CSMD1: variants seen among roughly 807,000 people sequenced by gnomAD.
CSMD1 encodes the protein CUB and Sushi multiple domains 1.
A neutral mutation model predicts 417.5 loss-of-function variants in CSMD1; 213 were observed. The ratio of observed to expected loss-of-function variants is 0.51; its 90% CI spans 0.46 to 0.57. The LOEUF (loss-of-function observed/expected upper bound fraction) is 0.57, where lower values mean the gene tolerates loss of function less well. CSMD1 is among the 20% of genes least tolerant of loss of function. The pLI, the probability that CSMD1 is intolerant of heterozygous loss-of-function variation, is 0.00. For synonymous variants in CSMD1, 2,862 were observed against 1,736.8 expected, an observed-to-expected ratio of 1.65 and a Z score of -16.11; for missense variants, 6,923 against 4,529.7, an observed-to-expected ratio of 1.53 and a Z score of -15.17.
intron 1 of CSMD1, among the ~76,000 whole-genome samples, chr8:4,749,078 G>T (rs536115968): frequency 6.6e-6 from 1 of 152,152 alleles, no homozygotes; most frequent in Admixed American, 6.5e-5. Flanking sequence ...GTGAGCGCAC[G>T]CTCGCCTGCC....
intron 1 of CSMD1, among the ~76,000 whole-genome samples, chr8:4,719,345 C>G (rs1050238677): frequency 2.0e-5 from 3 of 152,112 alleles, no homozygotes; most frequent in Non-Finnish European, 1.5e-5. Context: ...TTCTCTCTCA[C>G]GTGCCAATGC....
chr8:4,353,817 A>C (rs1801239279), intron 3 of CSMD1, among the ~76,000 whole-genome samples: 1 of 152,190 alleles, frequency 6.6e-6, no homozygotes, highest in Non-Finnish European at 1.5e-5. Context: ...CATTAAAACC[A>C]GTGTTCTTCT....
At chr8:4,057,927 G>C (rs1798781276) in intron 3 of CSMD1, among the ~76,000 whole-genome samples, 2 of 151,194 alleles carry the variant, frequency 1.3e-5, no homozygotes, top group African/African-American at 2.4e-5. Flanking sequence ...TGCTGTTTTG[G>C]TTCCTGTAGC....
At position 4,194,464 on chromosome 8, in the gene CSMD1, G is replaced by C. The variant is rs191542763; in HGVS notation, c.416-162365C>G. ...GGTGACAAAGGCCTGAATTACAATAGCGCCCTGTCACTTTTCTAATAAATA... is the reference window on the plus strand; with the variant it reads ...GGTGACAAAGGCCTGAATTACAATACCGCCCTGTCACTTTTCTAATAAATA... On this transcript the variant is annotated intron_variant, in intron 3 of 69. Coordinates refer to ENST00000635120, the MANE Select transcript of CSMD1 (RefSeq NM_033225.6). Among the ~76,000 whole-genome samples, 69 of 152,202 alleles carry C rather than the reference G, an allele frequency of 4.5e-4. 1 individual carries two copies. The highest frequency in any genetic ancestry group is 1.3e-3 in the African/African-American group (52 of 41,504).
intron 17 of CSMD1, among the ~76,000 whole-genome samples, chr8:3,394,633 G>A (rs1282135856): frequency 6.9e-3 from 1 of 144 alleles, no homozygotes; most frequent in African/African-American, 0.025. Context: ...AAAAAGTTGG[G>A]GGGAGGGGTG....
intron 6 of CSMD1, among the ~76,000 whole-genome samples, chr8:3,734,618 G>A (rs1026853): frequency 0.34 from 52,246 of 152,110 alleles, 9,258 homozygotes; most frequent in Non-Finnish European, 0.4. Context: ...GTCTGAGGCA[G>A]GAGAATTGCT....
intron 7 of CSMD1, among the ~76,000 whole-genome samples, chr8:3,622,660 A>G (rs1796310354): frequency 6.6e-6 from 1 of 152,274 alleles, no homozygotes; most frequent in Admixed American, 6.5e-5. Flanking sequence ...AAAAGTGATT[A>G]GAGATTAAAT....
chr8:4,974,354 G>C (rs541956512), intron 1 of CSMD1, among the ~76,000 whole-genome samples: 1 of 151,912 alleles, frequency 6.6e-6, no homozygotes. Flanking sequence ...CTCACATGTC[G>C]GTTAGCACTT....
intron 11 of CSMD1, among the ~76,000 whole-genome samples, chr8:3,480,365 C>G (rs1455766274): frequency 6.6e-6 from 1 of 151,710 alleles, no homozygotes; most frequent in Non-Finnish European, 1.5e-5. Flanking sequence ...GACTCTGTCT[C>G]AAAAATAAAA....
At chr8:3,913,024 C>T (rs774398942) in intron 5 of CSMD1, among the ~76,000 whole-genome samples, 2 of 151,930 alleles carry the variant, frequency 1.3e-5, no homozygotes, top group Non-Finnish European at 2.9e-5. Context: ...TGAGCTAAGG[C>T]GTGGAGAGAA....
At chr8:4,471,494 G>C (rs1466855800) in intron 2 of CSMD1, among the ~76,000 whole-genome samples, 2 of 152,110 alleles carry the variant, frequency 1.3e-5, no homozygotes, top group Admixed American at 6.6e-5. Flanking sequence ...ACAAAACATG[G>C]CTCAGTGTCT....
intron 30 of CSMD1, among the ~76,000 whole-genome samples, chr8:3,207,091 T>C (rs1163789076): frequency 6.6e-6 from 1 of 152,044 alleles, no homozygotes; most frequent in East Asian, 1.9e-4. Context: ...TTCAGAAAGA[T>C]TATATTTCTA....
At chr8:3,292,023 T>C (rs1383926019) in intron 25 of CSMD1, among the ~76,000 whole-genome samples, 1 of 152,162 alleles carries the variant, frequency 6.6e-6, no homozygotes. Flanking sequence ...TCTGGTATGT[T>C]GTGTCTTTGT....
chr8:4,356,263 G>A (rs117776756), intron 3 of CSMD1, among the ~76,000 whole-genome samples: 3 of 151,866 alleles, frequency 2.0e-5, no homozygotes, highest in Non-Finnish European at 2.9e-5. Flanking sequence ...ATCTCATCCC[G>A]GTCACTGCAA....
intron 23 of CSMD1, among the ~76,000 whole-genome samples, chr8:3,316,902 A>G (rs1453341388): frequency 2.0e-5 from 3 of 152,194 alleles, no homozygotes; most frequent in Admixed American, 1.3e-4. Flanking sequence ...GTGAGAAGAA[A>G]GAAAGGACAA....
At chr8:4,529,681 G>C (rs1796691035) in intron 2 of CSMD1, among the ~76,000 whole-genome samples, 1 of 152,014 alleles carries the variant, frequency 6.6e-6, no homozygotes, top group Non-Finnish European at 1.5e-5. Context: ...TTAGTTTTTA[G>C]TGTAAGTATA....
intron 3 of CSMD1, among the ~76,000 whole-genome samples, chr8:4,249,347 G>A (rs185608588): frequency 1.4e-4 from 22 of 152,274 alleles, no homozygotes; most frequent in African/African-American, 3.1e-4. Context: ...GGAATAAAGC[G>A]GTGTTCAGTC....
intron 1 of CSMD1, among the ~76,000 whole-genome samples, chr8:4,810,775 G>C (rs1798852122): frequency 1.3e-5 from 2 of 152,148 alleles, no homozygotes; most frequent in African/African-American, 2.4e-5. Context: ...GCTGAAGAAA[G>C]TGCCTCGCAT....
chr8:4,695,500 A>T (rs1399575847), intron 1 of CSMD1, among the ~76,000 whole-genome samples: 3 of 152,154 alleles, frequency 2.0e-5, no homozygotes, highest in African/African-American at 7.2e-5. Flanking sequence ...TCGATACCCT[A>T]AAATAAGTTA....
Sources: allele counts gnomAD v4.1 joint callset (sites outside exome capture counted in the v4.1 genomes callset), GRCh38; gene constraint gnomAD v4.1.1; transcripts MANE v1.5; gene names NCBI Gene and HGNC (gene_info 2026-07-23, HGNC 2026-07-21).